PTGER4: variants seen among roughly 807,000 people sequenced by gnomAD.
The protein encoded by PTGER4 is prostaglandin E2 receptor EP4 subtype.
Under a neutral mutation model 33.2 loss-of-function variants are expected in PTGER4, and 11 were observed. The observed-to-expected ratio is 0.33, with a 90% CI of 0.21 to 0.55. PTGER4 has a LOEUF of 0.55. Ranked by LOEUF, PTGER4 falls within the 20% of genes least tolerant of loss-of-function variation. The pLI is 0.92. For synonymous variants in PTGER4, 275 were observed against 281.5 expected (o/e 0.98, Z 0.23); for missense variants, 481 against 650.2 (o/e 0.74, Z 2.83).
At chr5:40,705,836 G>C in the PTGER4 span, among the ~76,000 whole-genome samples, 1 of 152,160 alleles carries the variant, frequency 6.6e-6, no homozygotes, top group Non-Finnish European at 1.5e-5. Context: ...ATGCTAGCTG[G>C]CAAGGTTGTG....
chr5:40,713,487 T>C, the PTGER4 span, among the ~76,000 whole-genome samples: 1 of 152,196 alleles, frequency 6.6e-6, no homozygotes. Flanking sequence ...AAATTTTGTA[T>C]GTAGGCCCCA....
chr5:40,685,535 T>G, intron 2 of PTGER4: 1 of 924,032 alleles, frequency 1.1e-6, no homozygotes, highest in Non-Finnish European at 1.3e-6. Flanking sequence ...TAAATTTGGC[T>G]AAGTTTAAAA....
chr5:40,681,927 G>A lies in PTGER4; in HGVS notation c.867+67G>A, dbSNP rs1741205264. ...CATCCACCTCCCGCGTCCATTCCCCGCTCCCTGCTTTCCCTCTGAGTCCTT... is the reference window on the plus strand; with the variant it reads ...CATCCACCTCCCGCGTCCATTCCCCACTCCCTGCTTTCCCTCTGAGTCCTT... On this transcript the variant is annotated intron_variant, in intron 2 of 2. Coordinates refer to ENST00000302472, the MANE Select transcript of PTGER4 (RefSeq NM_000958.3). This position sits in a 1 kb window ranked among gnomAD's most constrained non-coding sequence, Gnocchi z 9.8. 1 of 1,455,620 alleles carries A rather than the reference G, an allele frequency of 6.9e-7. No individual in the cohort carries two copies. The highest frequency in any genetic ancestry group is 9.1e-7 in the Non-Finnish European group (1 of 1,102,636). The allele number at this position is 1,455,620 out of a possible 1,614,324, so 90.2% of individuals were successfully genotyped here.
intron 2 of PTGER4, among the ~76,000 whole-genome samples, chr5:40,684,263 T>C (rs1383624674): frequency 6.6e-6 from 1 of 152,094 alleles, no homozygotes; most frequent in Non-Finnish European, 1.5e-5. Context: ...AGCTCAGAAC[T>C]CTCTGACATT....
At chr5:40,712,297 G>T in the PTGER4 span, among the ~76,000 whole-genome samples, 2 of 152,030 alleles carry the variant, frequency 1.3e-5, no homozygotes, top group African/African-American at 4.8e-5. Context: ...AATTAGGAAA[G>T]AATTCCCACA....
intron 2 of PTGER4, among the ~76,000 whole-genome samples, chr5:40,684,770 G>A (rs1741285772): frequency 6.6e-6 from 1 of 152,066 alleles, no homozygotes; most frequent in African/African-American, 2.4e-5. Context: ...AAGATTTAGT[G>A]GGTAGGTGGT....
the PTGER4 span, among the ~76,000 whole-genome samples, chr5:40,718,084 T>A: frequency 6.7e-6 from 1 of 149,928 alleles, no homozygotes; most frequent in Admixed American, 6.7e-5. Context: ...AGATTGCACA[T>A]AATCTACAGA....
chr5:40,712,568 G>A, the PTGER4 span, among the ~76,000 whole-genome samples: 1 of 152,182 alleles, frequency 6.6e-6, no homozygotes, highest in Admixed American at 6.6e-5. Flanking sequence ...GGCATGGGCA[G>A]TTCTGCACAA....
the PTGER4 span, among the ~76,000 whole-genome samples, chr5:40,739,702 G>GC: frequency 1.3e-5 from 2 of 152,104 alleles, no homozygotes; most frequent in African/African-American, 4.8e-5. Flanking sequence ...TTCCTATGCA[G>GC]CCCACAGAAC....
the PTGER4 span, among the ~76,000 whole-genome samples, chr5:40,743,302 A>G: frequency 1.3e-5 from 2 of 152,232 alleles, no homozygotes; most frequent in Non-Finnish European, 2.9e-5. Context: ...GAGTCATAGC[A>G]CAAAGTTGTA....
downstream of PTGER4, among the ~76,000 whole-genome samples, chr5:40,697,446 G>A (rs1017445030): frequency 4.0e-5 from 6 of 151,844 alleles, no homozygotes; most frequent in Admixed American, 2.0e-4. Context: ...TTAGCCAGGC[G>A]TGGTGGCGCA....
chr5:40,688,398 A>T (rs1293758167), intron 2 of PTGER4, among the ~76,000 whole-genome samples: 1 of 152,230 alleles, frequency 6.6e-6, no homozygotes, highest in African/African-American at 2.4e-5. Context: ...GACCACACAC[A>T]GGACTTGATA....
the PTGER4 span, among the ~76,000 whole-genome samples, chr5:40,736,066 G>A: frequency 1.3e-5 from 2 of 152,222 alleles, no homozygotes; most frequent in African/African-American, 4.8e-5. Context: ...ATAAAAATGA[G>A]AGGACAATTT....
downstream of PTGER4, among the ~76,000 whole-genome samples, chr5:40,694,869 T>TAAC (rs1271515356): frequency 2.0e-5 from 3 of 152,180 alleles, no homozygotes; most frequent in African/African-American, 7.2e-5. Flanking sequence ...TTGTAAAACT[T>TAAC]AACAGCTATG....
the PTGER4 span, among the ~76,000 whole-genome samples, chr5:40,717,719 A>G: frequency 4.2e-3 from 635 of 152,336 alleles, 3 homozygotes; most frequent in African/African-American, 0.015. Flanking sequence ...TTCTCTGAGT[A>G]TACTTAGTCT....
At chr5:40,684,787 C>A (rs1741286246) in intron 2 of PTGER4, among the ~76,000 whole-genome samples, 1 of 152,032 alleles carries the variant, frequency 6.6e-6, no homozygotes, top group South Asian at 2.1e-4. Flanking sequence ...TGGTTCTTGT[C>A]ATTTTGTCCA....
chr5:40,736,671 A>G, the PTGER4 span, among the ~76,000 whole-genome samples: 9 of 152,222 alleles, frequency 5.9e-5, no homozygotes, highest in Non-Finnish European at 1.0e-4. Flanking sequence ...TATCTAAAGT[A>G]CATTCACTTG....
chr5:40,728,403 G>A, the PTGER4 span: 4 of 1,613,314 alleles, frequency 2.5e-6, no homozygotes, highest in Admixed American at 1.7e-5. Context: ...AGACTCCCAT[G>A]AATGTGGATT....
chr5:40,704,249 A>C, the PTGER4 span, among the ~76,000 whole-genome samples: 55 of 152,344 alleles, frequency 3.6e-4, 1 homozygote, highest in Admixed American at 3.2e-3. Flanking sequence ...TGATTATCTC[A>C]ATAAATGTAG....
Sources: gnomAD v4.1 joint callset for allele counts (sites outside exome capture counted in the v4.1 genomes callset) on GRCh38, gnomAD v4.1.1 for gene constraint, Gnocchi (gnomAD v3.1) non-coding constraint, MANE v1.5 for transcripts, NCBI Gene and HGNC (gene_info 2026-07-23, HGNC 2026-07-21) for gene names.